Variants in GUSB observed in about 807,000 individuals in gnomAD.
The protein encoded by GUSB is beta-glucuronidase.
Under a neutral mutation model 74.6 loss-of-function variants are expected in GUSB, and 51 were observed. That is an observed-to-expected ratio of 0.68 (90% CI 0.55 to 0.86). The LOEUF (loss-of-function observed/expected upper bound fraction) is 0.86, where lower values mean the gene tolerates loss of function less well. Among genes scored for constraint, GUSB ranks in the 40% least tolerant of loss-of-function variants. GUSB has a pLI of 0.00. For synonymous variants in GUSB, 360 were observed against 348.3 expected, an observed-to-expected ratio of 1.03 and a Z score of -0.37; for missense variants, 736 against 853.7, an observed-to-expected ratio of 0.86 and a Z score of 1.72.
In GUSB at chr7:65,981,832, C is replaced by A. The variant is rs997828034; in HGVS notation, c.210+142G>T. The A allele has an allele frequency of 2.8e-5, 20 of 707,194 alleles. No individual in the cohort carries two copies. The African/African-American group carries it at 3.7e-4, about 13-fold the overall frequency. The allele number at this position is 707,194 out of a possible 1,614,324, so 43.8% of individuals were successfully genotyped here. A position where few individuals can be genotyped will look rare whatever the true frequency, so the allele number is the denominator to read the frequency against. ...CCTGTTCCCCCGTCCCCCAAGCCGG[C>A]GCCCCCAAGCCCGTTGACCTTTAAC... is the stretch of plus-strand genomic sequence containing the variant. On this transcript the variant is annotated intron_variant, in intron 1 of 11. Coordinates refer to ENST00000304895, the MANE Select transcript of GUSB (RefSeq NM_000181.4).
chr7:65,964,260 T>G (rs1019576173), intron 11 of GUSB, 63 bp downstream of exon 11: 4 of 1,424,136 alleles, frequency 2.8e-6, no homozygotes, highest in African/African-American at 2.8e-5. Flanking sequence ...TGGCCAGAAT[T>G]GGAAAGGCAA....
intron 2 of GUSB, 32 bp downstream of exon 2, chr7:65,980,192 C>A (rs564491033): frequency 1.5e-5 from 9 of 586,772 alleles, no homozygotes; most frequent in Non-Finnish European, 2.2e-5. Flanking sequence ...CGTGCCCCCC[C>A]ACCCGCCCTG....
intron 2 of GUSB, 86 bp from the exon 3 acceptor site, chr7:65,979,997 G>A (rs1437180556): frequency 8.7e-7 from 1 of 1,147,268 alleles, no homozygotes; most frequent in Non-Finnish European, 1.3e-6. Flanking sequence ...CACATAACCT[G>A]CAGCATGGGG....
rs1187469465 is a variant in GUSB at position 65,967,774 on chromosome 7, A to G, written c.1610T>C (p.Ile537Thr). ...CGTTTCTGCTCCATACTCGCTCTGAATAATGGGCTTCTGATACTTCTTATA... is the reference window on the plus strand; with the variant it reads ...CGTTTCTGCTCCATACTCGCTCTGAGTAATGGGCTTCTGATACTTCTTATA... ...NWYKKYQKPI[I>T]QSEYGAETIA... is the part of the protein sequence containing the mutation. The change falls in exon 10 of 12, where the codon ATT becomes ACT. Residue 537 changes from isoleucine (I) to threonine (T), a missense_variant. By Grantham distance (89) the Ile-to-Thr change is moderately conservative. Transcript: ENST00000304895. 1 of 1,613,722 alleles carries G rather than the reference A, an allele frequency of 6.2e-7. No homozygotes were observed. The highest frequency in any genetic ancestry group is 1.7e-5 in the Admixed American group (1 of 60,012).
chr7:65,979,461 T>C lies in GUSB; in HGVS notation c.662A>G (p.Tyr221Cys), dbSNP rs1459015995. The C allele has an allele frequency of 6.2e-7, 1 of 1,613,978 alleles. No homozygotes were observed. Among genetic ancestry groups the C allele is most frequent in the Non-Finnish European group, 8.5e-7 (1 of 1,179,842 alleles). The change falls in exon 4 of 12, where the codon TAC (tyrosine) becomes TGC (cysteine). Residue 221 changes from tyrosine to cysteine, a missense_variant. Around this residue, in one of 2 missense-constraint regions of GUSB, gnomAD observed 368 missense variants for 363.8 expected, o/e 1.01. Coordinates refer to ENST00000304895, the MANE Select transcript of GUSB (RefSeq NM_000181.4). ...YAGLQRSVLL[Y>C]TTPTTYIDDI... Reference sequence around the variant, plus strand: ...ATCGATGTAGGTGGTGGGTGTCGTGTACAGAAGTACAGACCGCTGCAGTCC... The same window carrying C: ...ATCGATGTAGGTGGTGGGTGTCGTGCACAGAAGTACAGACCGCTGCAGTCC...
chr7:65,974,611 G>A lies in GUSB; in HGVS notation c.1159C>T (p.Pro387Ser), dbSNP rs1386706879. The change falls in exon 7 of 12, where the codon CCC becomes TCC. Residue 387 changes from proline to serine, a missense_variant. Pro to Ser is a moderately conservative substitution (Grantham distance 74). Around this residue, in one of 2 missense-constraint regions of GUSB, gnomAD observed 368 missense variants for 489.9 expected, o/e 0.75. Coordinates refer to ENST00000304895, the MANE Select transcript of GUSB (RefSeq NM_000181.4). ...ATCTGCATCACTTCCTCTGCATAGGGGTAGTGGCTGGTACGGAAAGCGTTG... is the reference window on the plus strand; with the variant it reads ...ATCTGCATCACTTCCTCTGCATAGGAGTAGTGGCTGGTACGGAAAGCGTTG... ...GANAFRTSHY[P>S]YAEEVMQMCD... 1 of 1,614,126 alleles carries A rather than the reference G, an allele frequency of 6.2e-7. No individual in the cohort carries two copies.
intron 4 of GUSB, among the ~76,000 whole-genome samples, chr7:65,978,181 G>A (rs1791719929): frequency 6.6e-6 from 1 of 152,196 alleles, no homozygotes; most frequent in Non-Finnish European, 1.5e-5. Context: ...ACCGAGCGCT[G>A]TGGCTCATTC....
Position 65,960,731 on chromosome 7 carries a change from A to ATCT in GUSB, c.*163_*165dup. The ATCT allele has an allele frequency of 1.5e-6, 1 of 665,062 alleles. No individual in the cohort carries two copies. Among genetic ancestry groups the ATCT allele is most frequent in the Non-Finnish European group, 2.7e-6 (1 of 372,520 alleles). 41.2% of individuals were successfully genotyped at this position (665,062 alleles called of 1,614,324 possible). Reference sequence around the variant, plus strand: ...CAACTCTTTATTTCCATAATAGAAAATCTTTTATTTCCACCTTTAGTGTTC... The same window carrying ATCT: ...CAACTCTTTATTTCCATAATAGAAAATCTTCTTTTATTTCCACCTTTAGTGTTC... On this transcript the variant is annotated 3_prime_UTR_variant, in exon 12 of 12. Coordinates refer to ENST00000304895, the MANE Select transcript of GUSB (RefSeq NM_000181.4).
intron 11 of GUSB, among the ~76,000 whole-genome samples, chr7:65,961,698 G>C (rs117071408): frequency 6.6e-6 from 1 of 152,036 alleles, no homozygotes; most frequent in Admixed American, 6.6e-5. Context: ...GAGGAAACCC[G>C]CCTCTATTAA....
rs1408023730 is a variant in GUSB, at chr7:65,979,774, G to A, written c.534C>T (p.Pro178=). ...ITIAINNTLT[P]TTLPPGTIQY... ...GGATGGTCCCTGGTGGCAGGGTGGT[G>A]GGGGTGAGTGTGTTGTTGATGGCGA... Residue 178 remains proline (P), a synonymous_variant, in exon 3 of 12, where the codon CCC becomes CCT. Coordinates refer to ENST00000304895, the MANE Select transcript of GUSB (RefSeq NM_000181.4). 6.2e-7 allele frequency: 1 copy of A among 1,613,832 alleles called. No individual in the cohort carries two copies. The highest frequency in any genetic ancestry group is 8.5e-7 in the Non-Finnish European group (1 of 1,180,002).
At chr7:65,970,525 G>A (rs534937867) in intron 8 of GUSB, among the ~76,000 whole-genome samples, 159 bp from the exon 9 acceptor site, 1 of 152,150 alleles carries the variant, frequency 6.6e-6, no homozygotes, top group Non-Finnish European at 1.5e-5. Flanking sequence ...GCCGAGGTGG[G>A]TGGATCACTT....
chr7:65,962,833 C>T (rs1790586293), intron 11 of GUSB, among the ~76,000 whole-genome samples: 1 of 151,766 alleles, frequency 6.6e-6, no homozygotes, highest in Non-Finnish European at 1.5e-5. Flanking sequence ...GATAGCGCCA[C>T]TGCACTCCAG....
chr7:65,975,270 G>C, intron 5 of GUSB, 199 bp from the exon 6 acceptor site: 1 of 607,582 alleles, frequency 1.6e-6, no homozygotes, highest in Non-Finnish European at 3.0e-6. Flanking sequence ...CCTTTGACAA[G>C]ACAAGGTGGC....
chr7:65,975,412 T>A, intron 5 of GUSB: 2 of 359,894 alleles, frequency 5.6e-6, no homozygotes, highest in South Asian at 4.4e-5. Context: ...TCTGAGACAG[T>A]CTCAGTCTGT....
intron 10 of GUSB, 152 bp downstream of exon 10, chr7:65,967,579 G>C: frequency 4.2e-6 from 3 of 722,320 alleles, no homozygotes; most frequent in Non-Finnish European, 7.5e-6. Flanking sequence ...AGGCCTGGCT[G>C]TTGGCGGTGA....
At chr7:65,978,309 G>A (rs1365565716) in intron 4 of GUSB, among the ~76,000 whole-genome samples, 3 of 152,074 alleles carry the variant, frequency 2.0e-5, no homozygotes, top group Middle Eastern at 3.2e-3. Context: ...TTAGCTGGAC[G>A]TGGTGGCACA....
At chr7:65,977,491 T>C (rs1185778265) in intron 4 of GUSB, among the ~76,000 whole-genome samples, 1 of 152,190 alleles carries the variant, frequency 6.6e-6, no homozygotes, top group Non-Finnish European at 1.5e-5. Flanking sequence ...TAAATTGCTC[T>C]ATGGTGCATT....
At chr7:65,967,445 C>T (rs1329865048) in intron 10 of GUSB, among the ~76,000 whole-genome samples, 5 of 152,126 alleles carry the variant, frequency 3.3e-5, no homozygotes, top group Non-Finnish European at 7.3e-5. Context: ...CAGAGAGATC[C>T]GGTCTCAAAA....
Position 65,976,053 on chromosome 7 carries a change from G to C in GUSB, c.874C>G (p.Leu292Val), listed in dbSNP as rs751945330. ...VPGVSLWWPY[L>V]MHERPAYLYS... ...AGATAGGCAGGGCGTTCGTGCATCA[G>C]GTACGGCCACCAGAGGCTGACACCT... The change falls in exon 5 of 12, where the codon CTG (leucine) becomes GTG (valine). Residue 292 changes from leucine to valine, a missense_variant. Around this residue, in one of 2 missense-constraint regions of GUSB, gnomAD observed 368 missense variants for 489.9 expected, o/e 0.75. Transcript: ENST00000304895. The C allele has an allele frequency of 3.7e-6, 6 of 1,613,724 alleles. No individual in the cohort carries two copies. The highest frequency in any genetic ancestry group is 5.1e-6 in the Non-Finnish European group (6 of 1,180,000).
Sources: gnomAD v4.1 joint callset for allele counts (sites outside exome capture counted in the v4.1 genomes callset) on GRCh38, gnomAD v4.1.1 for gene constraint, gnomAD v4.1.1 regional missense constraint, MANE v1.5 for transcripts, NCBI Gene and HGNC (gene_info 2026-07-23, HGNC 2026-07-21) for gene names.